Variants in STARD13 observed in about 807,000 individuals in gnomAD.
The protein encoded by STARD13 is StAR related lipid transfer domain containing 13, also known as stAR-related lipid transfer protein 13.
A neutral mutation model predicts 106.4 loss-of-function variants in STARD13; 62 were observed. That is an observed-to-expected ratio of 0.58 (90% CI 0.48 to 0.72). The LOEUF (loss-of-function observed/expected upper bound fraction) is 0.72, where lower values mean the gene tolerates loss of function less well. STARD13 is among the 30% of genes least tolerant of loss of function. The pLI is 0.00. For synonymous variants in STARD13, 565 were observed against 553.0 expected, an observed-to-expected ratio of 1.02 and a Z score of -0.31; for missense variants, 1,387 against 1,424.0, an observed-to-expected ratio of 0.97 and a Z score of 0.42.
chr13:33,439,622 G>A, the STARD13 span: 2 of 757,368 alleles, frequency 2.6e-6, no homozygotes, highest in South Asian at 3.0e-5. Flanking sequence ...TAAATTTATA[G>A]GGATGAGGCA....
chr13:33,490,004 G>A, the STARD13 span, among the ~76,000 whole-genome samples: 2 of 152,196 alleles, frequency 1.3e-5, no homozygotes, highest in South Asian at 4.2e-4. Context: ...AGCAAGCAAT[G>A]GTTGTGACAT....
At chr13:33,219,200 G>C (rs1481739199) in intron 1 of STARD13, among the ~76,000 whole-genome samples, 2 of 152,116 alleles carry the variant, frequency 1.3e-5, no homozygotes, top group Non-Finnish European at 2.9e-5. Flanking sequence ...TCCAGGGCAT[G>C]ACTGTAGAGC....
the STARD13 span, among the ~76,000 whole-genome samples, chr13:33,635,456 G>A: frequency 2.6e-5 from 4 of 151,462 alleles, no homozygotes; most frequent in Non-Finnish European, 5.9e-5. Context: ...TCAGGAGATC[G>A]AGACCATCCT....
intron 1 of STARD13, among the ~76,000 whole-genome samples, chr13:33,196,833 T>C (rs925920287): frequency 1.3e-5 from 2 of 152,162 alleles, no homozygotes; most frequent in African/African-American, 4.8e-5. Flanking sequence ...GCAGCAATAA[T>C]GAACACAGAT....
At chr13:33,643,675 G>C in the STARD13 span, among the ~76,000 whole-genome samples, 1 of 152,370 alleles carries the variant, frequency 6.6e-6, no homozygotes, top group African/African-American at 2.4e-5. Flanking sequence ...GCTGGTGAAC[G>C]GGTGCCAGTC....
the STARD13 span, among the ~76,000 whole-genome samples, chr13:33,671,149 C>G: frequency 1.3e-5 from 2 of 152,114 alleles, no homozygotes; most frequent in Non-Finnish European, 2.9e-5. Context: ...TAATTATTTT[C>G]CAGCTGGTTA....
intron 1 of STARD13, among the ~76,000 whole-genome samples, chr13:33,295,826 G>C (rs1892469066): frequency 6.6e-6 from 1 of 152,090 alleles, no homozygotes; most frequent in Non-Finnish European, 1.5e-5. Context: ...AGACTATATG[G>C]GGGAAAAGAT....
chr13:33,582,014 A>G, the STARD13 span, among the ~76,000 whole-genome samples: 1 of 152,132 alleles, frequency 6.6e-6, no homozygotes, highest in Admixed American at 6.6e-5. Flanking sequence ...AGATCAGGAG[A>G]TTGGGACCAT....
Position 33,105,557 on chromosome 13 carries a change from C to T in STARD13, c.*36G>A. 1 of 1,451,534 alleles carries T rather than the reference C, an allele frequency of 6.9e-7. No individual in the cohort carries two copies. The highest frequency in any genetic ancestry group is 1.1e-5 in the South Asian group (1 of 87,824). 89.9% of individuals were successfully genotyped at this position (1,451,534 alleles called of 1,614,324 possible). On this transcript the variant is annotated 3_prime_UTR_variant, in exon 14 of 14. Coordinates refer to ENST00000336934, the MANE Select transcript of STARD13 (RefSeq NM_178006.4). ...TCTGCCACACTCGTCACTTTAGCTT[C>T]CTCTTCCCTGAGTTTGATGTCACAC...
the STARD13 span, among the ~76,000 whole-genome samples, chr13:33,600,261 CA>C: frequency 6.6e-6 from 1 of 152,028 alleles, no homozygotes; most frequent in East Asian, 1.9e-4. Flanking sequence ...TCAAACAGAC[CA>C]AAACAACAAC....
At chr13:33,343,284 A>T (rs1475069744) in intron 1 of STARD13, among the ~76,000 whole-genome samples, 1 of 151,664 alleles carries the variant, frequency 6.6e-6, no homozygotes, top group Non-Finnish European at 1.5e-5. Flanking sequence ...TAATTAAAAA[A>T]AAAAATCTGG....
chr13:33,341,026 A>C (rs1453341751), intron 1 of STARD13, among the ~76,000 whole-genome samples: 1 of 152,184 alleles, frequency 6.6e-6, no homozygotes, highest in Non-Finnish European at 1.5e-5. Flanking sequence ...TTGTCCTTCA[A>C]CTCAACTCTT....
the STARD13 span, among the ~76,000 whole-genome samples, chr13:33,523,598 A>G: frequency 6.6e-6 from 1 of 152,138 alleles, no homozygotes; most frequent in Non-Finnish European, 1.5e-5. Context: ...ATTTTTAAAA[A>G]GTGAAAAAAA....
the STARD13 span, among the ~76,000 whole-genome samples, chr13:33,390,190 T>A: frequency 6.6e-5 from 10 of 152,156 alleles, no homozygotes; most frequent in Non-Finnish European, 1.3e-4. Context: ...TGCAAGCTAT[T>A]AATAAATATA....
the STARD13 span, among the ~76,000 whole-genome samples, chr13:33,471,313 T>C: frequency 6.6e-6 from 1 of 152,334 alleles, no homozygotes. Context: ...CTGTGAGTTG[T>C]GCTGGAAAGG....
At chr13:33,659,220 C>CT in the STARD13 span, among the ~76,000 whole-genome samples, 229 of 34,172 alleles carry the variant, frequency 6.7e-3, 1 homozygote, top group African/African-American at 0.014. Context: ...TGGGTTTTTT[C>CT]TTTTTTTTTT....
the STARD13 span, among the ~76,000 whole-genome samples, chr13:33,450,340 T>C: frequency 2.0e-5 from 3 of 152,218 alleles, no homozygotes; most frequent in African/African-American, 4.8e-5. Context: ...AGTATGATTT[T>C]TGTCCTTCAT....
the STARD13 span, among the ~76,000 whole-genome samples, chr13:33,544,703 G>A: frequency 6.6e-6 from 1 of 151,718 alleles, no homozygotes; most frequent in East Asian, 1.9e-4. Flanking sequence ...CATGTATTTG[G>A]ATAATTACTG....
chr13:33,417,601 G>A, the STARD13 span, among the ~76,000 whole-genome samples: 20 of 152,244 alleles, frequency 1.3e-4, no homozygotes, highest in East Asian at 3.3e-3. Flanking sequence ...AAAAAGTAAA[G>A]TATGGATCCA....
Sources: gnomAD v4.1 joint callset for allele counts (sites outside exome capture counted in the v4.1 genomes callset) on GRCh38, gnomAD v4.1.1 for gene constraint, MANE v1.5 for transcripts, NCBI Gene and HGNC (gene_info 2026-07-23, HGNC 2026-07-21) for gene names.